PSD2: variants seen among roughly 807,000 people sequenced by gnomAD.
PSD2 encodes the protein pleckstrin and Sec7 domain containing 2.
PSD2 carries 38 observed loss-of-function variants against 69.8 expected under a neutral mutation model. The ratio of observed to expected loss-of-function variants is 0.54; its 90% confidence interval spans 0.42 to 0.71. The LOEUF is 0.71. PSD2 is among the 30% of genes least tolerant of loss of function. The probability of loss-of-function intolerance (pLI) is 0.00; values close to 1 mark genes in which losing one functional copy is unlikely to be tolerated. For missense variants in PSD2, 943 were observed against 1,014.5 expected, an observed-to-expected ratio of 0.93 and a Z score of 0.96; for synonymous variants, 412 against 423.0, an observed-to-expected ratio of 0.97 and a Z score of 0.32.
At chr5:139,766,829 T>TTCTCTC in the PSD2 span, among the ~76,000 whole-genome samples, 18,608 of 46,840 alleles carry the variant, frequency 0.4, 2,762 homozygotes, top group South Asian at 0.48. Flanking sequence ...AGTCCCTTCC[T>TTCTCTC]TCTTTCTTTC....
chr5:139,770,569 A>C, the PSD2 span, among the ~76,000 whole-genome samples: 51 of 152,278 alleles, frequency 3.3e-4, no homozygotes, highest in Admixed American at 1.0e-3. Context: ...CCGTGTCAAA[A>C]AAACAAACAA....
the PSD2 span, among the ~76,000 whole-genome samples, chr5:139,749,185 C>T: frequency 6.6e-6 from 1 of 152,122 alleles, no homozygotes; most frequent in Non-Finnish European, 1.5e-5. Context: ...TCGGTTCCCC[C>T]CTAGCATGCC....
chr5:139,793,401 G>A (rs1158197667), upstream of PSD2, among the ~76,000 whole-genome samples: 6 of 152,216 alleles, frequency 3.9e-5, no homozygotes, highest in Non-Finnish European at 7.3e-5. Context: ...CTTGACGGAG[G>A]GGAAAGGAAG....
chr5:139,803,976 G>A (rs752698401), intron 1 of PSD2, among the ~76,000 whole-genome samples: 1 of 152,176 alleles, frequency 6.6e-6, no homozygotes, highest in Non-Finnish European at 1.5e-5. Context: ...TACTGCCCAT[G>A]CTGCCAGTGG....
chr5:139,758,525 A>T, the PSD2 span, among the ~76,000 whole-genome samples: 1 of 152,134 alleles, frequency 6.6e-6, no homozygotes, highest in East Asian at 1.9e-4. Flanking sequence ...GCTTCAGGGC[A>T]GGAAGTCACC....
chr5:139,771,536 G>A, the PSD2 span, among the ~76,000 whole-genome samples: 2 of 152,030 alleles, frequency 1.3e-5, no homozygotes, highest in African/African-American at 4.8e-5. Context: ...CCGCCACCAC[G>A]CCCGGCTAAT....
chr5:139,774,127 G>GT, the PSD2 span, among the ~76,000 whole-genome samples: 9,222 of 148,482 alleles, frequency 0.062, 319 homozygotes, highest in East Asian at 0.13. Flanking sequence ...ACTCGGTCTC[G>GT]TTTTTTTTTT....
chr5:139,789,816 C>A, the PSD2 span, among the ~76,000 whole-genome samples: 4 of 151,620 alleles, frequency 2.6e-5, no homozygotes, highest in African/African-American at 9.7e-5. Context: ...ATGGTATATA[C>A]ATATGTGTTA....
chr5:139,823,010 G>A (rs952318521), intron 7 of PSD2, among the ~76,000 whole-genome samples: 2 of 152,150 alleles, frequency 1.3e-5, no homozygotes, highest in African/African-American at 2.4e-5. Flanking sequence ...CTGGGCCACG[G>A]GAGTTTAAGA....
the PSD2 span, among the ~76,000 whole-genome samples, chr5:139,749,679 C>A: frequency 1.3e-5 from 2 of 152,188 alleles, no homozygotes; most frequent in East Asian, 3.8e-4. Context: ...TGCTTCTCTT[C>A]CAGTGCTGGG....
At chr5:139,780,099 C>A in the PSD2 span, among the ~76,000 whole-genome samples, 2 of 152,206 alleles carry the variant, frequency 1.3e-5, no homozygotes, top group East Asian at 3.8e-4. Context: ...ACTGCTTGAC[C>A]TATTTACAAA....
In PSD2 at chr5:139,840,176, C is replaced by A. The variant is rs768589081; in HGVS notation, c.2112+6C>A. 2 of 1,613,396 alleles carry A rather than the reference C, an allele frequency of 1.2e-6. No homozygotes were observed. The highest frequency in any genetic ancestry group is 2.7e-5 in the African/African-American group (2 of 74,910). ...AGCACTATCTCACCTTCGAGGTGAG[C>A]CTTGGGGGACTGGATTGCAAAGCCC... On this transcript the variant is annotated splice_donor_region_variant and intron_variant, in intron 14 of 14. Coordinates refer to ENST00000274710, the MANE Select transcript of PSD2 (RefSeq NM_032289.4).
the PSD2 span, among the ~76,000 whole-genome samples, chr5:139,782,964 G>A: frequency 5.3e-5 from 8 of 151,944 alleles, no homozygotes; most frequent in Non-Finnish European, 7.4e-5. Flanking sequence ...CTTTTTCATC[G>A]TCACAAACAA....
chr5:139,766,839 C>CTTTT, the PSD2 span, among the ~76,000 whole-genome samples: 1 of 139,206 alleles, frequency 7.2e-6, no homozygotes, highest in African/African-American at 2.7e-5. Flanking sequence ...TTCTTTCTTT[C>CTTTT]TTTCTTTCTT....
chr5:139,819,512 C>T (rs1760202853), intron 5 of PSD2, among the ~76,000 whole-genome samples: 1 of 152,164 alleles, frequency 6.6e-6, no homozygotes, highest in South Asian at 2.1e-4. Flanking sequence ...GAAAAGTGGC[C>T]ATGTGTTTAC....
chr5:139,798,372 G>A (rs907118321), intron 1 of PSD2, among the ~76,000 whole-genome samples: 28 of 152,134 alleles, frequency 1.8e-4, no homozygotes, highest in Admixed American at 1.3e-4. Context: ...CCACTCCAGC[G>A]CTGTGCCTGC....
chr5:139,834,316 C>T (rs1053252860), intron 8 of PSD2, among the ~76,000 whole-genome samples: 20 of 152,130 alleles, frequency 1.3e-4, no homozygotes, highest in African/African-American at 4.8e-4. Flanking sequence ...GACAAGGTCT[C>T]ATTCTGTCAC....
intron 1 of PSD2, among the ~76,000 whole-genome samples, chr5:139,803,400 T>C (rs1322681672): frequency 6.6e-6 from 1 of 152,202 alleles, no homozygotes; most frequent in Non-Finnish European, 1.5e-5. Context: ...GCCAGCTTGG[T>C]TCCTTGCAGC....
chr5:139,756,981 A>G, the PSD2 span, among the ~76,000 whole-genome samples: 6 of 152,158 alleles, frequency 3.9e-5, no homozygotes, highest in Admixed American at 3.9e-4. Flanking sequence ...ACAGCTCTAC[A>G]AGGTTGGAAC....
Sources: allele counts gnomAD v4.1 joint callset (sites outside exome capture counted in the v4.1 genomes callset), GRCh38; gene constraint gnomAD v4.1.1; transcripts MANE v1.5; gene names NCBI Gene and HGNC (gene_info 2026-07-23, HGNC 2026-07-21).